CNBD1: variants seen among roughly 807,000 people sequenced by gnomAD.
The protein encoded by CNBD1 is cyclic nucleotide-binding domain-containing protein 1.
Under a neutral mutation model 54.4 loss-of-function variants are expected in CNBD1, and 71 were observed. The observed-to-expected ratio is 1.30, with a 90% CI of 1.08 to 1.59. The LOEUF is 1.59. CNBD1 is among the 40% of genes most tolerant of loss of function. The pLI is 0.00. For synonymous variants in CNBD1, 182 were observed against 170.7 expected (o/e 1.07, Z -0.51); for missense variants, 659 against 518.0 (o/e 1.27, Z -2.64).
chr8:87,263,709 C>G (rs1808190734), intron 6 of CNBD1, among the ~76,000 whole-genome samples: 1 of 152,022 alleles, frequency 6.6e-6, no homozygotes, highest in Admixed American at 6.6e-5. Flanking sequence ...ACCTTTGGTA[C>G]TTTACTCCTA....
chr8:87,058,063 C>G (rs771958961), intron 4 of CNBD1, among the ~76,000 whole-genome samples: 1 of 151,814 alleles, frequency 6.6e-6, no homozygotes, highest in African/African-American at 2.4e-5. Flanking sequence ...GGAAATACAC[C>G]CATTCCAAAT....
intron 4 of CNBD1, among the ~76,000 whole-genome samples, chr8:87,002,501 C>G (rs1449050513): frequency 6.6e-6 from 1 of 152,100 alleles, no homozygotes. Flanking sequence ...GCCCTTCATT[C>G]TATTCCAGGC....
intron 10 of CNBD1, among the ~76,000 whole-genome samples, chr8:87,354,317 A>G (rs916529076): frequency 6.6e-6 from 1 of 152,176 alleles, no homozygotes; most frequent in African/African-American, 2.4e-5. Flanking sequence ...AGAAATATTT[A>G]TGGTAAGCAT....
chr8:86,969,203 T>C (rs1020461966), intron 4 of CNBD1, among the ~76,000 whole-genome samples: 2 of 152,210 alleles, frequency 1.3e-5, no homozygotes. Flanking sequence ...ATGTTTGCTT[T>C]ATGTTAACTG....
intron 5 of CNBD1, among the ~76,000 whole-genome samples, chr8:87,215,236 G>C (rs57225267): frequency 1.3e-5 from 2 of 152,000 alleles, no homozygotes; most frequent in Admixed American, 1.3e-4. Context: ...AAAAGGCCAC[G>C]TGTTTATGAC....
Position 87,031,049 on chromosome 8 carries a change from G to C in CNBD1, c.431+91295G>C, listed in dbSNP as rs944678240. ...AGCCCTCTTCACCAAGCAGATTTCT[G>C]ATTATGTTTCACAGTTGGGTTTTAT... On this transcript the variant is annotated intron_variant, in intron 4 of 10. Coordinates refer to ENST00000518476, the MANE Select transcript of CNBD1 (RefSeq NM_173538.3). Among the ~76,000 whole-genome samples, 3 of 148,380 alleles carry C rather than the reference G, an allele frequency of 2.0e-5. 1 individual carries two copies. The highest frequency in any genetic ancestry group is 1.4e-4 in the Admixed American group (2 of 14,620).
intron 4 of CNBD1, among the ~76,000 whole-genome samples, chr8:86,992,288 T>C (rs1318108478): frequency 6.6e-6 from 1 of 152,088 alleles, no homozygotes; most frequent in Non-Finnish European, 1.5e-5. Flanking sequence ...CTTTTTAATT[T>C]TTGTTGGTTT....
At chr8:87,280,213 T>C (rs1419592893) in intron 6 of CNBD1, among the ~76,000 whole-genome samples, 1 of 151,612 alleles carries the variant, frequency 6.6e-6, no homozygotes, top group Non-Finnish European at 1.5e-5. Context: ...CTTTCTAATC[T>C]TTTCTTATCA....
chr8:87,073,401 AT>A (rs1810798760), intron 4 of CNBD1, among the ~76,000 whole-genome samples: 2 of 151,894 alleles, frequency 1.3e-5, no homozygotes, highest in Admixed American at 6.6e-5. Flanking sequence ...GAGTTTTTAC[AT>A]TTTTACATTG....
chr8:87,365,480 T>A (rs1810624902), intron 10 of CNBD1, among the ~76,000 whole-genome samples: 1 of 151,994 alleles, frequency 6.6e-6, no homozygotes, highest in African/African-American at 2.4e-5. Flanking sequence ...CACAGTAAAA[T>A]GTTGAATATC....
intron 3 of CNBD1, among the ~76,000 whole-genome samples, chr8:86,907,110 G>T (rs1809029221): frequency 6.6e-6 from 1 of 152,140 alleles, no homozygotes; most frequent in African/African-American, 2.4e-5. Context: ...CCTCTTTGCT[G>T]GGTTGGTTTC....
At chr8:87,377,045 A>G (rs1810956282) in intron 10 of CNBD1, among the ~76,000 whole-genome samples, 1 of 128,648 alleles carries the variant, frequency 7.8e-6, no homozygotes, top group Non-Finnish European at 1.7e-5. Context: ...CATTTAGAAA[A>G]CTCCAATTTT....
At chr8:87,256,206 A>C (rs1009731336) in intron 6 of CNBD1, among the ~76,000 whole-genome samples, 4 of 150,048 alleles carry the variant, frequency 2.7e-5, no homozygotes, top group African/African-American at 9.8e-5. Flanking sequence ...TATTTTTAGT[A>C]GAGATGGTGT....
intron 8 of CNBD1, among the ~76,000 whole-genome samples, chr8:87,312,718 A>G (rs1809294548): frequency 6.6e-6 from 1 of 151,968 alleles, no homozygotes; most frequent in African/African-American, 2.4e-5. Context: ...GTTTTTTTAA[A>G]AAACAAATCT....
intron 10 of CNBD1, among the ~76,000 whole-genome samples, chr8:87,360,828 T>G (rs1346031317): frequency 6.6e-6 from 1 of 151,946 alleles, no homozygotes; most frequent in Non-Finnish European, 1.5e-5. Context: ...AGTTTCTGCT[T>G]GTTTTTAAAA....
intron 4 of CNBD1, among the ~76,000 whole-genome samples, chr8:87,006,005 A>G (rs903693644): frequency 6.6e-6 from 1 of 152,202 alleles, no homozygotes; most frequent in African/African-American, 2.4e-5. Context: ...AGTTTTCTAG[A>G]GTAAATGCTC....
At chr8:87,384,194 CT>C (rs1338571053), downstream of CNBD1, among the ~76,000 whole-genome samples, 1 of 151,996 alleles carries the variant, frequency 6.6e-6, no homozygotes, top group East Asian at 1.9e-4. Context: ...TAATGGACCC[CT>C]GCTAAATTTG....
Position 86,891,158 on chromosome 8 carries a change from G to A in CNBD1, c.158+3547G>A, listed in dbSNP as rs112147357. Among the ~76,000 whole-genome samples, 928 of 151,964 alleles carry A rather than the reference G, an allele frequency of 6.1e-3. 9 individuals carry two copies. The highest frequency in any genetic ancestry group is 0.021 in the African/African-American group (885 of 41,506). On this transcript the variant is annotated intron_variant, in intron 2 of 10. Transcript: ENST00000518476. The stretch of plus-strand genomic sequence containing the variant: ...GCTTTCAGGTCATACTCAAAAAATC[G>A]TTGCTTAGACCAATGTCATGGAACT...
intron 4 of CNBD1, among the ~76,000 whole-genome samples, chr8:87,034,989 T>C (rs1184402073): frequency 4.6e-5 from 7 of 152,222 alleles, no homozygotes; most frequent in Middle Eastern, 3.4e-3. Flanking sequence ...TTTTTGACAT[T>C]TTTTGCTGTA....
Sources: gnomAD v4.1 joint callset for allele counts (sites outside exome capture counted in the v4.1 genomes callset) on GRCh38, gnomAD v4.1.1 for gene constraint, MANE v1.5 for transcripts, NCBI Gene and HGNC (gene_info 2026-07-23, HGNC 2026-07-21) for gene names.